The following KCND3 variants were observed in gnomAD, a reference collection of about 807,000 sequenced individuals.
KCND3 encodes potassium voltage-gated channel subfamily D member 3.
A neutral mutation model predicts 51.1 loss-of-function variants in KCND3; 9 were observed. That is an observed-to-expected ratio of 0.18 (90% CI 0.11 to 0.31). The LOEUF (loss-of-function observed/expected upper bound fraction) is 0.31. Ranked by LOEUF, KCND3 falls within the 10% of genes least tolerant of loss-of-function variation. The pLI is 1.00. For synonymous variants in KCND3, 349 were observed against 368.0 expected (o/e 0.95, Z 0.59); for missense variants, 526 against 903.8 (o/e 0.58, Z 5.36).
At chr1:111,901,301 A>G (rs944200649) in intron 2 of KCND3, among the ~76,000 whole-genome samples, 1 of 152,242 alleles carries the variant, frequency 6.6e-6, no homozygotes, top group Admixed American at 6.5e-5. Flanking sequence ...TTATGTGCCC[A>G]GAATTGGTGA....
chr1:111,868,455 G>A, intron 2 of KCND3, among the ~76,000 whole-genome samples: 1 of 152,096 alleles, frequency 6.6e-6, no homozygotes, highest in East Asian at 1.9e-4. Flanking sequence ...ATTTATCATA[G>A]GTATGTATGC....
chr1:111,967,671 C>A (rs1411511433), intron 2 of KCND3, among the ~76,000 whole-genome samples: 29 of 152,232 alleles, frequency 1.9e-4, no homozygotes. Context: ...CAGTGCGCTA[C>A]CTTCTTAGGG....
At chr1:111,911,097 C>T (rs1271114238) in intron 2 of KCND3, among the ~76,000 whole-genome samples, 5 of 152,146 alleles carry the variant, frequency 3.3e-5, no homozygotes. Context: ...CCTTTTTGCT[C>T]TTTTTATGTG....
intron 2 of KCND3, among the ~76,000 whole-genome samples, chr1:111,811,543 G>T (rs900233633): frequency 6.6e-6 from 1 of 152,138 alleles, no homozygotes; most frequent in African/African-American, 2.4e-5. Flanking sequence ...GCGATGAAAG[G>T]ACAGGGTGAG....
At chr1:111,931,089 A>G (rs1298448274) in intron 2 of KCND3, among the ~76,000 whole-genome samples, 2 of 152,238 alleles carry the variant, frequency 1.3e-5, no homozygotes, top group Non-Finnish European at 2.9e-5. Context: ...GAGTGTCTAC[A>G]GTATACTCTG....
In KCND3 at chr1:111,800,192, C is replaced by T. The variant is rs371883463; in HGVS notation, c.1107-13086G>A. ...ATGGGAGACTTTTCATTTTGTTCTGCACTAAGAAAAATTCCTCTGCCTTGG... is the reference window on the plus strand; with the variant it reads ...ATGGGAGACTTTTCATTTTGTTCTGTACTAAGAAAAATTCCTCTGCCTTGG... On this transcript the variant is annotated intron_variant, in intron 2 of 7. Transcript: ENST00000302127. Among the ~76,000 whole-genome samples the T allele has an allele frequency of 5.9e-3, 765 of 129,508 alleles. 6 individuals are homozygous for T. The highest frequency in any genetic ancestry group is 0.021 in the African/African-American group (720 of 33,814). The allele number at this position is 129,508 out of a possible 152,430, so 85.0% of individuals were successfully genotyped here. A position where few individuals can be genotyped will look rare whatever the true frequency, so the allele number is the denominator to read the frequency against.
chr1:111,889,840 T>C (rs1431046588), intron 2 of KCND3, among the ~76,000 whole-genome samples: 2 of 151,948 alleles, frequency 1.3e-5, no homozygotes, highest in Non-Finnish European at 2.9e-5. Context: ...GCAGGAGGCC[T>C]GGGGAAGTCA....
At position 111,872,055 on chromosome 1, in the gene KCND3, CA is replaced by C. The variant is rs1341484053; in HGVS notation, c.1107-84950del. Among the ~76,000 whole-genome samples, 4 of 152,296 alleles carry C rather than the reference CA, an allele frequency of 2.6e-5. No homozygotes were observed. In the East Asian group the frequency reaches 7.7e-4, roughly 29 times the overall value. ...TAAAAAGAGCCAGAAATAATAATAA[CA>C]AAGATACTAAAAATAAAACCTTATA... On this transcript the variant is annotated intron_variant, in intron 2 of 7. Coordinates refer to ENST00000302127, the MANE Select transcript of KCND3 (RefSeq NM_001378969.1).
At chr1:111,986,695 T>C (rs531011188) in intron 1 of KCND3, among the ~76,000 whole-genome samples, 19 of 152,332 alleles carry the variant, frequency 1.2e-4, no homozygotes, top group African/African-American at 4.6e-4. Context: ...GTCTATAGCT[T>C]AGGTCTCATT....
chr1:111,819,551 C>G (rs1454472836), intron 2 of KCND3, among the ~76,000 whole-genome samples: 1 of 152,200 alleles, frequency 6.6e-6, no homozygotes, highest in Non-Finnish European at 1.5e-5. Flanking sequence ...AGCTCACCAG[C>G]AGCCTGACTG....
chr1:111,915,757 AAAAAAAAAC>A (rs1671182103), intron 2 of KCND3, among the ~76,000 whole-genome samples: 1 of 151,136 alleles, frequency 6.6e-6, no homozygotes, highest in Non-Finnish European at 1.5e-5. Context: ...TGTCTCAAAA[AAAAAAAAAC>A]AAAAAAAAAA....
At chr1:111,843,436 G>A (rs1212195154) in intron 2 of KCND3, among the ~76,000 whole-genome samples, 1 of 152,224 alleles carries the variant, frequency 6.6e-6, no homozygotes, top group Non-Finnish European at 1.5e-5. Context: ...CCTGTTTCTA[G>A]AAAGTGGGGC....
At chr1:111,986,489 C>T (rs1675292901) in intron 1 of KCND3, among the ~76,000 whole-genome samples, 1 of 152,182 alleles carries the variant, frequency 6.6e-6, no homozygotes, top group Non-Finnish European at 1.5e-5. Context: ...CCTGTCTTCC[C>T]CAGGCAGCAA....
intron 2 of KCND3, among the ~76,000 whole-genome samples, chr1:111,892,344 G>T (rs1418692372): frequency 6.6e-6 from 1 of 152,150 alleles, no homozygotes; most frequent in East Asian, 1.9e-4. Flanking sequence ...CATTTATTGG[G>T]CATTGCCCTG....
intron 2 of KCND3, among the ~76,000 whole-genome samples, chr1:111,979,871 A>G (rs973780831): frequency 2.0e-5 from 3 of 152,198 alleles, no homozygotes; most frequent in African/African-American, 7.2e-5. Flanking sequence ...GTTTTCCTCC[A>G]CATGGCTATC....
chr1:111,902,952 C>T (rs2101795761), intron 2 of KCND3, among the ~76,000 whole-genome samples: 1 of 152,300 alleles, frequency 6.6e-6, no homozygotes, highest in Non-Finnish European at 1.5e-5. Context: ...TCCGTATTTA[C>T]ATATATACAG....
chr1:111,893,915 A>G (rs140390843), intron 2 of KCND3, among the ~76,000 whole-genome samples: 78 of 152,208 alleles, frequency 5.1e-4, no homozygotes, highest in African/African-American at 1.8e-3. Context: ...AGAGGGGAGG[A>G]CAGAAGAGAA....
chr1:111,784,284 G>T (rs140112303), intron 3 of KCND3, among the ~76,000 whole-genome samples: 83 of 152,212 alleles, frequency 5.5e-4, no homozygotes, highest in African/African-American at 1.9e-3. Flanking sequence ...ACAAGAGATT[G>T]CTCTGTGTTA....
intron 2 of KCND3, among the ~76,000 whole-genome samples, chr1:111,888,066 A>C (rs1188738036): frequency 6.6e-6 from 1 of 152,348 alleles, no homozygotes; most frequent in Non-Finnish European, 1.5e-5. Flanking sequence ...AGCAAGGTCC[A>C]GAGAGGGCAG....
Sources: allele counts gnomAD v4.1 joint callset (sites outside exome capture counted in the v4.1 genomes callset), GRCh38; gene constraint gnomAD v4.1.1; transcripts MANE v1.5; gene names NCBI Gene and HGNC (gene_info 2026-07-23, HGNC 2026-07-21).